NBN: variants seen among roughly 807,000 people sequenced by gnomAD.
The protein encoded by NBN is nibrin.
Under a neutral mutation model 90.8 loss-of-function variants are expected in NBN, and 88 were observed. The ratio of observed to expected loss-of-function variants is 0.97; its 90% CI spans 0.82 to 1.16. The LOEUF is 1.16. NBN is among the 50% of genes most tolerant of loss of function. The probability of loss-of-function intolerance (pLI) is 0.00; values close to 1 mark genes in which losing one functional copy is unlikely to be tolerated. For synonymous variants in NBN, 328 were observed against 295.1 expected, an observed-to-expected ratio of 1.11 and a Z score of -1.14; for missense variants, 894 against 869.6, an observed-to-expected ratio of 1.03 and a Z score of -0.35.
rs1586019237 is a variant in NBN at position 89,934,475 on chromosome 8, T to G, written c.*1107A>C. On this transcript the variant is annotated 3_prime_UTR_variant, in exon 16 of 16. Coordinates refer to ENST00000265433, the MANE Select transcript of NBN (RefSeq NM_002485.5). ...CCTGCAAGCAGCCAGAACTTGGAAG[T>G]AAGTTAATTTGGTTCTGGCAAGTAG... is the stretch of plus-strand genomic sequence containing the variant. 7 of 233,096 alleles carry G rather than the reference T, an allele frequency of 3.0e-5. No homozygotes were observed. In the East Asian group the frequency reaches 4.2e-4, roughly 14 times the overall value. 14.4% of individuals were successfully genotyped at this position (233,096 alleles called of 1,614,324 possible).
In NBN at chr8:89,963,757, G is replaced by C. The variant is rs561663535; in HGVS notation, c.994+653C>G. On this transcript the variant is annotated intron_variant, in intron 8 of 15. Coordinates refer to ENST00000265433, the MANE Select transcript of NBN (RefSeq NM_002485.5). ...GGAGTTGTTTCTAACTGCTCCACCG[G>C]AAAGTCCCACCAGGTCTAGTTCTAA... 2.0e-5 allele frequency among the ~76,000 whole-genome samples: 3 copies of C among 152,200 alleles called. No individual in the cohort carries two copies. The South Asian group carries it at 6.2e-4, about 32-fold the overall frequency.
At chr8:89,973,573 CTA>C (rs1463172517) in intron 5 of NBN, among the ~76,000 whole-genome samples, 2 of 152,150 alleles carry the variant, frequency 1.3e-5, no homozygotes, top group Non-Finnish European at 2.9e-5. Flanking sequence ...TCAAAAAACA[CTA>C]TGTTCTAGAA....
intron 8 of NBN, 78 bp from the exon 9 acceptor site, chr8:89,958,932 G>C (rs1810864632): frequency 6.4e-7 from 1 of 1,555,498 alleles, no homozygotes; most frequent in Non-Finnish European, 8.8e-7. Flanking sequence ...AAAATTGTTA[G>C]ACTATACCAT....
At chr8:89,944,736 C>T (rs1810111575) in intron 13 of NBN, among the ~76,000 whole-genome samples, 1 of 152,080 alleles carries the variant, frequency 6.6e-6, no homozygotes, top group Non-Finnish European at 1.5e-5. Flanking sequence ...CATCACCATG[C>T]CTAGCTAATT....
At position 89,953,348 on chromosome 8, in the gene NBN, G is replaced by A. The variant is rs1337679118; in HGVS notation, c.1741C>T (p.Gln581Ter). 1 of 1,613,292 alleles carries A rather than the reference G, an allele frequency of 6.2e-7. No individual in the cohort carries two copies. Among genetic ancestry groups the A allele is most frequent in the African/African-American group, 1.3e-5 (1 of 74,942 alleles). Residue 581 changes from glutamine to a stop codon, truncating the protein, a stop_gained, in exon 11 of 16, where the codon CAA becomes TAA. Coordinates refer to ENST00000265433, the MANE Select transcript of NBN (RefSeq NM_002485.5). LOFTEE classifies it high-confidence loss of function. The stretch of plus-strand genomic sequence containing the variant: ...ACATTGACATCTTCCTCCTGTTTTT[G>A]AACTTTCACATCAATTTCTAACTCT... The part of the protein sequence containing the change: ...KPELEIDVKV[Q>*]KQEEDVNVRK...
At chr8:89,938,569 CTTAGG>C (rs1809795186) in intron 14 of NBN, among the ~76,000 whole-genome samples, 1 of 152,022 alleles carries the variant, frequency 6.6e-6, no homozygotes. Flanking sequence ...GTAACAGAGA[CTTAGG>C]TTAGGTAAAC....
intron 11 of NBN, among the ~76,000 whole-genome samples, chr8:89,951,809 T>C (rs1810460036): frequency 1.3e-5 from 2 of 152,140 alleles, no homozygotes; most frequent in South Asian, 4.1e-4. Flanking sequence ...CAAAATGGAA[T>C]CCGATAATTC....
At chr8:89,965,988 T>C (rs1036768963) in intron 7 of NBN, among the ~76,000 whole-genome samples, 49 of 152,354 alleles carry the variant, frequency 3.2e-4, no homozygotes, top group African/African-American at 1.1e-3. Context: ...AAACTGGTAT[T>C]TTATTTACTA....
Position 89,934,325 on chromosome 8 carries a change from A to C in NBN, c.*1257T>G. The C allele has an allele frequency of 8.6e-6, 2 of 232,848 alleles. No homozygotes were observed. The highest frequency in any genetic ancestry group is 1.7e-5 in the Non-Finnish European group (2 of 117,772). 14.4% of individuals were successfully genotyped at this position (232,848 alleles called of 1,614,324 possible). A position where few individuals can be genotyped will look rare whatever the true frequency, so the allele number is the denominator to read the frequency against. On this transcript the variant is annotated 3_prime_UTR_variant, in exon 16 of 16. Transcript: ENST00000265433. The stretch of plus-strand genomic sequence containing the variant: ...ACTCTCTATAATATTTCAATAATCT[A>C]ACTGGTCTCAATGCCTGTAGTAGAA...
Position 89,980,801 on chromosome 8 carries a change from A to C in NBN, c.413T>G (p.Phe138Cys). The C allele has an allele frequency of 6.2e-7, 1 of 1,613,574 alleles. No individual in the cohort carries two copies. Among genetic ancestry groups the C allele is most frequent in the South Asian group, 1.1e-5 (1 of 91,064 alleles). ...TTCTTCTGTCCAATTGTTTACAGTA[A>C]ATCCTCCAAGTTGCAATATAGCTTG... is the stretch of plus-strand genomic sequence containing the variant. ...LNQAILQLGG[F>C]TVNNWTEECT... Residue 138 changes from phenylalanine (F) to cysteine (C), a missense_variant, in exon 4 of 16, where the codon TTT (phenylalanine) becomes TGT (cysteine). Transcript: ENST00000265433.
intron 12 of NBN, chr8:89,946,616 T>C (rs1810206005): frequency 3.5e-6 from 1 of 288,164 alleles, no homozygotes; most frequent in Non-Finnish European, 6.6e-6. Flanking sequence ...CCTCCAGATA[T>C]ATATCTTATT....
Position 89,964,527 on chromosome 8 carries a change from T to C in NBN, c.897-20A>G, listed in dbSNP as rs1486419324. On this transcript the variant is annotated intron_variant, in intron 7 of 15. Coordinates refer to ENST00000265433, the MANE Select transcript of NBN (RefSeq NM_002485.5). ...CCTTGCCTATTAGAATAAAATAGTTTAAGTATGATAATATATTAAAACTAG... is the reference window on the plus strand; with the variant it reads ...CCTTGCCTATTAGAATAAAATAGTTCAAGTATGATAATATATTAAAACTAG... The C allele has an allele frequency of 1.3e-6, 2 of 1,569,720 alleles. No homozygotes were observed. The highest frequency in any genetic ancestry group is 2.2e-5 in the South Asian group (2 of 89,818).
chr8:89,983,230 C>T (rs1010766351), intron 1 of NBN, among the ~76,000 whole-genome samples: 22 of 152,014 alleles, frequency 1.4e-4, no homozygotes, highest in Non-Finnish European at 4.4e-5. Context: ...AATGTATTAC[C>T]TAGCAACAAT....
intron 14 of NBN, 29 bp downstream of exon 14, chr8:89,943,224 C>G: frequency 6.2e-7 from 1 of 1,612,784 alleles, no homozygotes; most frequent in African/African-American, 1.3e-5. Context: ...GCAATTTAAG[C>G]AAGTTTCTGG....
chr8:89,937,570 A>G (rs938948416), intron 14 of NBN, among the ~76,000 whole-genome samples: 1 of 152,146 alleles, frequency 6.6e-6, no homozygotes, highest in African/African-American at 2.4e-5. Flanking sequence ...CTAAACTTCT[A>G]CAGCACCTTA....
At chr8:89,947,715 C>G in intron 12 of NBN, 109 bp downstream of exon 12, 1 of 662,198 alleles carries the variant, frequency 1.5e-6, no homozygotes, top group Admixed American at 2.2e-5. Flanking sequence ...ATGAAGTAAG[C>G]CATAATTAGG....
rs890867699 is a variant in NBN at position 89,934,396 on chromosome 8, A to C, written c.*1186T>G. On this transcript the variant is annotated 3_prime_UTR_variant, in exon 16 of 16. Transcript: ENST00000265433. The stretch of plus-strand genomic sequence containing the variant: ...ATTTCTGTTCCCTAGGAAGGCTGAG[A>C]AGCTTTTAAAAAAAGACCTTCATTT... The C allele has an allele frequency of 4.3e-5, 10 of 232,978 alleles. No individual in the cohort carries two copies. The highest frequency in any genetic ancestry group is 1.8e-4 in the African/African-American group (8 of 45,338). The allele number at this position is 232,978 out of a possible 1,614,324, so 14.4% of individuals were successfully genotyped here.
At chr8:89,966,472 C>T (rs563731683) in intron 7 of NBN, among the ~76,000 whole-genome samples, 5 of 152,216 alleles carry the variant, frequency 3.3e-5, no homozygotes, top group African/African-American at 9.6e-5. Flanking sequence ...AGAATATGTA[C>T]TAGCTAGGAA....
At chr8:89,979,768 G>C (rs1811966311) in intron 4 of NBN, among the ~76,000 whole-genome samples, 2 of 152,240 alleles carry the variant, frequency 1.3e-5, no homozygotes, top group Admixed American at 1.3e-4. Context: ...CAATTCACAA[G>C]GTGGTCATCA....
Sources: gnomAD v4.1 joint callset for allele counts (sites outside exome capture counted in the v4.1 genomes callset) on GRCh38, gnomAD v4.1.1 for gene constraint, MANE v1.5 for transcripts, NCBI Gene and HGNC (gene_info 2026-07-23, HGNC 2026-07-21) for gene names.